EPB41L4B: variants seen among roughly 807,000 people sequenced by gnomAD.
EPB41L4B encodes band 4.1-like protein 4B.
In EPB41L4B, 30 loss-of-function variants were observed where a neutral mutation model predicts 112.5. The observed-to-expected ratio is 0.27, with a 90% CI of 0.20 to 0.36. The LOEUF is 0.36. EPB41L4B is among the 10% of genes least tolerant of loss of function. The pLI, the probability that EPB41L4B is intolerant of heterozygous loss-of-function variation, is 1.00. For synonymous variants in EPB41L4B, 408 were observed against 439.7 expected (o/e 0.93, Z 0.90); for missense variants, 1,024 against 1,133.3 (o/e 0.90, Z 1.38).
In EPB41L4B at chr9:109,320,551, C is replaced by G; in HGVS notation, c.-105G>C. On this transcript the variant is annotated 5_prime_UTR_variant, in exon 1 of 26. Transcript: ENST00000374566. Reference sequence around the variant, plus strand: ...CGTCCCGCGACGCCGTCAGTGCCCTCGGCCGCCCGCGCCGCCTCTCGCGGG... The same window carrying G: ...CGTCCCGCGACGCCGTCAGTGCCCTGGGCCGCCCGCGCCGCCTCTCGCGGG... 1 of 595,510 alleles carries G rather than the reference C, an allele frequency of 1.7e-6. No homozygotes were observed. Among genetic ancestry groups the G allele is most frequent in the Non-Finnish European group, 2.1e-6 (1 of 477,490 alleles). The allele number at this position is 595,510 out of a possible 1,614,324, so 36.9% of individuals were successfully genotyped here.
intron 2 of EPB41L4B, among the ~76,000 whole-genome samples, chr9:109,271,004 G>A (rs1835591758): frequency 6.6e-6 from 1 of 152,240 alleles, no homozygotes; most frequent in Admixed American, 6.5e-5. Context: ...CCCAGGAAGA[G>A]GTTCTGATGA....
chr9:109,299,223 T>C (rs1836862731), intron 1 of EPB41L4B, among the ~76,000 whole-genome samples: 1 of 152,228 alleles, frequency 6.6e-6, no homozygotes, highest in Non-Finnish European at 1.5e-5. Context: ...TACTTACTTA[T>C]TTATTTAGGT....
chr9:109,264,217 A>T (rs1403992750), intron 5 of EPB41L4B, among the ~76,000 whole-genome samples: 1 of 152,236 alleles, frequency 6.6e-6, no homozygotes, highest in Non-Finnish European at 1.5e-5. Context: ...CACATATTCT[A>T]TGGAGAGTTT....
chr9:109,317,863 T>C (rs1474924276), intron 1 of EPB41L4B, among the ~76,000 whole-genome samples: 1 of 152,120 alleles, frequency 6.6e-6, no homozygotes, highest in African/African-American at 2.4e-5. Context: ...AAGGACAGCA[T>C]AAAGAGTGAG....
At position 109,293,807 on chromosome 9, in the gene EPB41L4B, C is replaced by T. The variant is rs577076274; in HGVS notation, c.307-13886G>A. The stretch of plus-strand genomic sequence containing the variant: ...TATTGGACTCTCTGAGGCTGCCTTA[C>T]GCTACATCACCAACTCCATATTAGA... On this transcript the variant is annotated intron_variant, in intron 1 of 25. Coordinates refer to ENST00000374566, the MANE Select transcript of EPB41L4B (RefSeq NM_019114.5). Among the ~76,000 whole-genome samples, 97 of 151,864 alleles carry T rather than the reference C, an allele frequency of 6.4e-4. 1 individual carries two copies. The highest frequency in any genetic ancestry group is 1.4e-3 in the African/African-American group (56 of 41,372).
intron 20 of EPB41L4B, among the ~76,000 whole-genome samples, chr9:109,198,257 C>A (rs957982385): frequency 1.3e-5 from 2 of 152,144 alleles, no homozygotes; most frequent in Admixed American, 1.3e-4. Flanking sequence ...ATTTTGCACT[C>A]TGGGTACCCC....
Position 109,209,646 on chromosome 9 carries a change from C to CAA in EPB41L4B, c.1753-1599_1753-1598dup, listed in dbSNP as rs34135848. Among the ~76,000 whole-genome samples, 234 of 134,634 alleles carry CAA rather than the reference C, an allele frequency of 1.7e-3. 1 individual carries two copies. Among genetic ancestry groups the CAA allele is most frequent in the East Asian group, 8.2e-3 (39 of 4,746 alleles). 88.3% of individuals were successfully genotyped at this position (134,634 alleles called of 152,430 possible). ...TGGGCAACAGAGCAAAACCCTGTCT[C>CAA]AAAAAAAAAAAAAAGATGCTGTTTA... is the stretch of plus-strand genomic sequence containing the variant. On this transcript the variant is annotated intron_variant, in intron 17 of 25. Coordinates refer to ENST00000374566, the MANE Select transcript of EPB41L4B (RefSeq NM_019114.5).
chr9:109,286,625 T>C (rs1446533151), intron 1 of EPB41L4B, among the ~76,000 whole-genome samples: 7 of 152,258 alleles, frequency 4.6e-5, no homozygotes, highest in Admixed American at 4.6e-4. Flanking sequence ...TATTTGCCAA[T>C]TGCTCATCAA....
chr9:109,256,524 G>A (rs988120899), intron 7 of EPB41L4B, 44 bp from the exon 8 acceptor site: 6 of 1,560,586 alleles, frequency 3.8e-6, no homozygotes, highest in Non-Finnish European at 5.3e-6. Flanking sequence ...CGACTCGTAA[G>A]CCCACAGGAT....
At chr9:109,298,809 C>G (rs1836840838) in intron 1 of EPB41L4B, among the ~76,000 whole-genome samples, 1 of 152,142 alleles carries the variant, frequency 6.6e-6, no homozygotes, top group Non-Finnish European at 1.5e-5. Flanking sequence ...TCAAGCAGAG[C>G]AAATTTATCT....
At chr9:109,237,265 G>A (rs554847142) in intron 15 of EPB41L4B, among the ~76,000 whole-genome samples, 2 of 152,254 alleles carry the variant, frequency 1.3e-5, no homozygotes, top group South Asian at 4.2e-4. Flanking sequence ...TAGGCAAAAG[G>A]GTTTTGAAGA....
chr9:109,246,903 G>A (rs2118987386), intron 14 of EPB41L4B, among the ~76,000 whole-genome samples: 1 of 152,348 alleles, frequency 6.6e-6, no homozygotes, highest in South Asian at 2.1e-4. Context: ...TAGAAACCAT[G>A]TATCTATTCG....
intron 13 of EPB41L4B, among the ~76,000 whole-genome samples, chr9:109,249,710 A>T (rs1834710341): frequency 6.6e-6 from 1 of 152,248 alleles, no homozygotes. Flanking sequence ...TACAGATACC[A>T]TTTGGCATAC....
At position 109,311,233 on chromosome 9, in the gene EPB41L4B, T is replaced by C. The variant is rs190188821; in HGVS notation, c.306+8908A>G. On this transcript the variant is annotated intron_variant, in intron 1 of 25. Transcript: ENST00000374566. ...ATTAATACCATGATTTTCAAAAAAA[T>C]TCATAATTCAGGGTAGGTGCAGCTC... is the stretch of plus-strand genomic sequence containing the variant. Among the ~76,000 whole-genome samples the C allele has an allele frequency of 7.2e-5, 11 of 151,818 alleles. No individual in the cohort carries two copies. In the East Asian group the frequency reaches 2.1e-3, roughly 29 times the overall value.
At chr9:109,211,015 C>T (rs570696435) in intron 17 of EPB41L4B, among the ~76,000 whole-genome samples, 3 of 152,120 alleles carry the variant, frequency 2.0e-5, no homozygotes, top group Non-Finnish European at 4.4e-5. Context: ...ATTGTTTATA[C>T]AAATTGTTTA....
At chr9:109,288,383 G>C (rs571888181) in intron 1 of EPB41L4B, among the ~76,000 whole-genome samples, 7 of 152,098 alleles carry the variant, frequency 4.6e-5, no homozygotes, top group African/African-American at 1.7e-4. Flanking sequence ...AGGAGTTCCA[G>C]ACCAACCTGG....
At chr9:109,270,949 T>A (rs1050484270) in intron 2 of EPB41L4B, among the ~76,000 whole-genome samples, 2 of 152,244 alleles carry the variant, frequency 1.3e-5, no homozygotes, top group African/African-American at 4.8e-5. Context: ...GCTTCCAGTG[T>A]GCCCGTTAAA....
intron 15 of EPB41L4B, among the ~76,000 whole-genome samples, chr9:109,224,709 A>G (rs1833702281): frequency 6.6e-6 from 1 of 152,248 alleles, no homozygotes; most frequent in Non-Finnish European, 1.5e-5. Flanking sequence ...TGATAAAAAT[A>G]TCACAAGAAG....
intron 1 of EPB41L4B, among the ~76,000 whole-genome samples, chr9:109,282,588 C>T (rs1459726898): frequency 1.3e-5 from 2 of 152,198 alleles, no homozygotes; most frequent in African/African-American, 2.4e-5. Flanking sequence ...CCAGACATTA[C>T]GTACCTCCTG....
Sources: gnomAD v4.1 joint callset for allele counts (sites outside exome capture counted in the v4.1 genomes callset) on GRCh38, gnomAD v4.1.1 for gene constraint, MANE v1.5 for transcripts, NCBI Gene and HGNC (gene_info 2026-07-23, HGNC 2026-07-21) for gene names.